Variants in ASIC2 observed in about 807,000 individuals in gnomAD.
ASIC2 encodes the protein acid sensing ion channel subunit 2.
ASIC2 carries 25 observed loss-of-function variants against 57.3 expected under a neutral mutation model. The ratio of observed to expected loss-of-function variants is 0.44; its 90% CI spans 0.32 to 0.61. ASIC2 has a LOEUF of 0.61. Ranked by LOEUF, ASIC2 falls within the 20% of genes least tolerant of loss-of-function variation. The pLI, the probability that ASIC2 is intolerant of heterozygous loss-of-function variation, is 0.06. For synonymous variants in ASIC2, 319 were observed against 307.5 expected, an observed-to-expected ratio of 1.04 and a Z score of -0.39; for missense variants, 641 against 738.1, an observed-to-expected ratio of 0.87 and a Z score of 1.52.
intron 1 of ASIC2, among the ~76,000 whole-genome samples, chr17:33,152,925 C>CCGAG (rs1211905461): frequency 6.6e-6 from 1 of 152,202 alleles, no homozygotes; most frequent in Non-Finnish European, 1.5e-5. Context: ...ACCCTCCCCT[C>CCGAG]CGAGGCCGGA....
chr17:33,932,444 C>G (rs35910420), intron 1 of ASIC2, among the ~76,000 whole-genome samples: 3,149 of 151,974 alleles, frequency 0.021, 130 homozygotes, highest in African/African-American at 0.072. Context: ...TGGCTCATGC[C>G]TGTAATCCCA....
rs556221735 is a variant in ASIC2 at position 33,352,785 on chromosome 17, C to T, written c.556-240718G>A. Among the ~76,000 whole-genome samples the T allele has an allele frequency of 1.8e-4, 28 of 152,306 alleles. No individual in the cohort carries two copies. In the South Asian group the frequency reaches 4.8e-3, roughly 26 times the overall value. On this transcript the variant is annotated intron_variant, in intron 1 of 9. Transcript: ENST00000359872. ...AGGTCCTCACGTTCACCTGCTGCCT[C>T]TCAGGCTCCATCCTGTGCAGTTTCT...
intron 1 of ASIC2, among the ~76,000 whole-genome samples, chr17:33,438,092 G>A (rs376546233): frequency 2.6e-5 from 4 of 152,254 alleles, no homozygotes; most frequent in African/African-American, 7.2e-5. Context: ...AATGTCATGA[G>A]CAATGTATAT....
At chr17:33,909,945 G>A (rs1915426340) in intron 1 of ASIC2, among the ~76,000 whole-genome samples, 2 of 152,088 alleles carry the variant, frequency 1.3e-5, no homozygotes, top group African/African-American at 2.4e-5. Flanking sequence ...TTTGCTAATG[G>A]TGTGACCCTG....
chr17:33,761,496 T>A (rs1174708620), intron 1 of ASIC2, among the ~76,000 whole-genome samples: 1 of 152,190 alleles, frequency 6.6e-6, no homozygotes, highest in Non-Finnish European at 1.5e-5. Context: ...AGGATCTTGC[T>A]GCAGATGTGG....
At chr17:33,505,361 C>A (rs982858169) in intron 1 of ASIC2, among the ~76,000 whole-genome samples, 3 of 151,956 alleles carry the variant, frequency 2.0e-5, no homozygotes, top group African/African-American at 4.8e-5. Flanking sequence ...CTCTCACACC[C>A]AATAGACCAC....
intron 1 of ASIC2, among the ~76,000 whole-genome samples, chr17:33,878,454 A>T (rs537828842): frequency 1.3e-5 from 2 of 152,364 alleles, no homozygotes; most frequent in Non-Finnish European, 2.9e-5. Flanking sequence ...GAACTATGTG[A>T]CAAATGCACA....
chr17:33,096,848 G>C (rs554156442), intron 2 of ASIC2, among the ~76,000 whole-genome samples: 68 of 152,216 alleles, frequency 4.5e-4, no homozygotes, highest in Non-Finnish European at 9.7e-4. Flanking sequence ...CAAGTGCCAA[G>C]GCTCTGGGAC....
intron 1 of ASIC2, among the ~76,000 whole-genome samples, chr17:33,340,625 T>C (rs1450110969): frequency 6.6e-6 from 1 of 152,128 alleles, no homozygotes; most frequent in Non-Finnish European, 1.5e-5. Flanking sequence ...GAGAAACTTT[T>C]CTGAGATTTG....
chr17:33,397,404 C>T (rs1910116904), intron 1 of ASIC2, among the ~76,000 whole-genome samples: 1 of 152,202 alleles, frequency 6.6e-6, no homozygotes, highest in African/African-American at 2.4e-5. Flanking sequence ...GTAGAAGTCA[C>T]TCTGCTCTGT....
rs532797769 is a variant in ASIC2, at chr17:34,140,046, TAA to T, written c.555+15930_555+15931del. Among the ~76,000 whole-genome samples the T allele has an allele frequency of 1.8e-4, 27 of 152,280 alleles. No homozygotes were observed. The South Asian group carries it at 5.0e-3, about 28-fold the overall frequency. On this transcript the variant is annotated intron_variant, in intron 1 of 9. Transcript: ENST00000359872. Reference sequence around the variant, plus strand: ...TGTATCTTCAATGGGTCTTGAATTTTAAAAGTTAGAAAACTGTAAACAAGTTT... The same window carrying T: ...TGTATCTTCAATGGGTCTTGAATTTTAAGTTAGAAAACTGTAAACAAGTTT...
intron 1 of ASIC2, among the ~76,000 whole-genome samples, chr17:33,666,409 C>T (rs568394840): frequency 2.6e-5 from 4 of 152,256 alleles, no homozygotes; most frequent in Admixed American, 6.5e-5. Flanking sequence ...GGGCCGAGCA[C>T]CAAAGCACAG....
chr17:34,083,009 C>T (rs1165984061), intron 1 of ASIC2, among the ~76,000 whole-genome samples: 2 of 145,362 alleles, frequency 1.4e-5, no homozygotes, highest in Non-Finnish European at 3.0e-5. Flanking sequence ...GTTTTTTTTT[C>T]CTTTGCATGC....
chr17:33,516,416 G>A (rs1914573812), intron 1 of ASIC2, among the ~76,000 whole-genome samples: 1 of 152,088 alleles, frequency 6.6e-6, no homozygotes, highest in African/African-American at 2.4e-5. Flanking sequence ...GAGTGTGTGT[G>A]TGTGTGTGTG....
At chr17:33,212,795 T>C (rs1474576939) in intron 1 of ASIC2, among the ~76,000 whole-genome samples, 1 of 152,180 alleles carries the variant, frequency 6.6e-6, no homozygotes, top group Non-Finnish European at 1.5e-5. Flanking sequence ...GACTTCAATT[T>C]GAACCAATGC....
intron 1 of ASIC2, among the ~76,000 whole-genome samples, chr17:33,739,070 G>A (rs571322124): frequency 2.6e-5 from 4 of 152,354 alleles, no homozygotes; most frequent in African/African-American, 9.6e-5. Flanking sequence ...CAAAATGGCA[G>A]TGCTGTGGTG....
chr17:33,150,694 C>A, intron 1 of ASIC2, among the ~76,000 whole-genome samples: 1 of 127,808 alleles, frequency 7.8e-6, no homozygotes, highest in South Asian at 2.8e-4. Flanking sequence ...ACTAAAAATA[C>A]AAAAAATTAG....
intron 1 of ASIC2, among the ~76,000 whole-genome samples, chr17:33,422,127 T>C (rs1911064687): frequency 6.6e-6 from 1 of 152,240 alleles, no homozygotes; most frequent in South Asian, 2.1e-4. Context: ...AGAAAATCAC[T>C]CGCTTCCTGA....
intron 1 of ASIC2, among the ~76,000 whole-genome samples, chr17:33,425,566 A>G (rs4795782): frequency 0.77 from 116,725 of 152,076 alleles, 45,650 homozygotes; most frequent in Middle Eastern, 0.86. Flanking sequence ...GATTGCAGCT[A>G]CAGGAATGGG....
Sources: allele counts gnomAD v4.1 joint callset (sites outside exome capture counted in the v4.1 genomes callset), GRCh38; gene constraint gnomAD v4.1.1; transcripts MANE v1.5; gene names NCBI Gene and HGNC (gene_info 2026-07-23, HGNC 2026-07-21).